Variants in MICAL3 observed in about 807,000 individuals in gnomAD.
MICAL3 encodes [F-actin]-monooxygenase MICAL3.
In MICAL3, 62 loss-of-function variants were observed where a neutral mutation model predicts 207.4. That is an observed-to-expected ratio of 0.30 (90% CI 0.24 to 0.37). The LOEUF is 0.37. Among genes scored for constraint, MICAL3 ranks in the 10% least tolerant of loss-of-function variants. MICAL3 has a pLI of 1.00. For synonymous variants in MICAL3, 1,077 were observed against 1,069.3 expected, an observed-to-expected ratio of 1.01 and a Z score of -0.14; for missense variants, 2,368 against 2,635.6, an observed-to-expected ratio of 0.90 and a Z score of 2.22.
intron 19 of MICAL3, chr22:17,863,165 C>T (rs1303702655): frequency 2.0e-6 from 2 of 985,428 alleles, no homozygotes; most frequent in South Asian, 9.4e-5. Flanking sequence ...ATGGCAACCT[C>T]GACCAGATGG....
At chr22:17,877,165 A>C (rs1434656860) in intron 16 of MICAL3, among the ~76,000 whole-genome samples, 2 of 128,122 alleles carry the variant, frequency 1.6e-5, no homozygotes, top group Non-Finnish European at 1.6e-5. Context: ...GAGGTTATGG[A>C]GGTTAGGGAG....
chr22:17,827,787 G>C lies in MICAL3; in HGVS notation c.3056-6C>G. The C allele has an allele frequency of 6.5e-7, 1 of 1,544,548 alleles. No homozygotes were observed. Among genetic ancestry groups the C allele is most frequent in the Non-Finnish European group, 8.7e-7 (1 of 1,143,202 alleles). Reference sequence around the variant, plus strand: ...CTGGAGCCTCTGGTTCCCGGCTAGTGTCCCAGGGTCAAGGGGTGGAGAAAT... The same window carrying C: ...CTGGAGCCTCTGGTTCCCGGCTAGTCTCCCAGGGTCAAGGGGTGGAGAAAT... On this transcript the variant is annotated splice_region_variant and splice_polypyrimidine_tract_variant and intron_variant, in intron 21 of 31. Transcript: ENST00000441493.
intron 29 of MICAL3, among the ~76,000 whole-genome samples, chr22:17,799,447 G>T (rs774404708): frequency 6.6e-6 from 1 of 152,338 alleles, no homozygotes; most frequent in East Asian, 1.9e-4. Flanking sequence ...GGTTTACGGA[G>T]TGGGGCCACC....
At chr22:17,843,120 CAAA>C (rs71966425) in intron 19 of MICAL3, among the ~76,000 whole-genome samples, 2 of 62,902 alleles carry the variant, frequency 3.2e-5, no homozygotes. Flanking sequence ...GACTTCATCT[CAAA>C]AAAAAAAAAA....
intron 1 of MICAL3, among the ~76,000 whole-genome samples, chr22:17,982,423 T>C (rs995793413): frequency 6.6e-6 from 1 of 152,324 alleles, no homozygotes; most frequent in South Asian, 2.1e-4. Context: ...ATGCCTGTAA[T>C]CCCAGCACTT....
At chr22:17,871,687 G>A in intron 17 of MICAL3, 150 bp downstream of exon 17, 4 of 660,618 alleles carry the variant, frequency 6.1e-6, no homozygotes, top group Non-Finnish European at 1.0e-5. Flanking sequence ...AAAGAGTGAT[G>A]GAGGGAGAGG....
intron 16 of MICAL3, among the ~76,000 whole-genome samples, chr22:17,878,306 G>A (rs1929078772): frequency 6.6e-6 from 1 of 152,220 alleles, no homozygotes; most frequent in Non-Finnish European, 1.5e-5. Flanking sequence ...GAGAGAAAGA[G>A]GCTGGGCACA....
intron 19 of MICAL3, among the ~76,000 whole-genome samples, chr22:17,846,852 C>G (rs1029779949): frequency 6.6e-6 from 1 of 152,174 alleles, no homozygotes; most frequent in Non-Finnish European, 1.5e-5. Flanking sequence ...CCCACACATA[C>G]CACAAGGAAA....
At position 17,818,805 on chromosome 22, in the gene MICAL3, G is replaced by T; in HGVS notation, c.3856C>A (p.Pro1286Thr). The change falls in exon 26 of 32, where the codon CCG becomes ACG. Residue 1286 changes from proline (P) to threonine (T), a missense_variant. Coordinates refer to ENST00000441493, the MANE Select transcript of MICAL3 (RefSeq NM_015241.3). ...GCCAGTGGGGTGGATGTTTTGGCCG[G>T]GGCAGGCTGGAAGCGTATGGGGGAC... ...TQSPIRFQPA[P>T]AKTSTPLAPL... is the part of the protein sequence containing the mutation. 1 of 1,569,852 alleles carries T rather than the reference G, an allele frequency of 6.4e-7. No homozygotes were observed. The highest frequency in any genetic ancestry group is 8.7e-7 in the Non-Finnish European group (1 of 1,153,886).
In MICAL3 at chr22:17,808,913, C is replaced by T; in HGVS notation, c.5581G>A (p.Val1861Met). ...AQIIQRQLQQ[V>M]EERQRRLEER... ...TCCAGCCGCCGCTGCCTCTCCTCCA[C>T]CTGCTGCAGCTGCCGCTGGATGATC... The change falls in exon 29 of 32, where the codon GTG becomes ATG. Residue 1861 changes from valine (V) to methionine (M), a missense_variant. Coordinates refer to ENST00000441493, the MANE Select transcript of MICAL3 (RefSeq NM_015241.3). The T allele has an allele frequency of 6.4e-7, 1 of 1,553,878 alleles. No individual in the cohort carries two copies. The highest frequency in any genetic ancestry group is 8.7e-7 in the Non-Finnish European group (1 of 1,148,874).
At position 17,858,922 on chromosome 22, in the gene MICAL3, C is replaced by A. The variant is rs561444736; in HGVS notation, c.2605+5977G>T. Among the ~76,000 whole-genome samples the A allele has an allele frequency of 8.5e-5, 13 of 152,328 alleles. 1 individual carries two copies. Among genetic ancestry groups the A allele is most frequent in the Admixed American group, 1.3e-4 (2 of 15,298 alleles). On this transcript the variant is annotated intron_variant, in intron 19 of 31. Transcript: ENST00000441493. ...TTGAAAATTATGCACACGTATGTAT[C>A]CATCCTTATTACTGACGCTTAGTTA...
rs1368908411 is a variant in MICAL3 at position 17,824,635 on chromosome 22, G to C, written c.3194-1575C>G. 2.6e-5 allele frequency among the ~76,000 whole-genome samples: 4 copies of C among 152,330 alleles called. No homozygotes were observed. The East Asian group carries it at 7.7e-4, about 29-fold the overall frequency. The stretch of plus-strand genomic sequence containing the variant: ...ACAGACGGCCCACGTCACAGGGAGA[G>C]ATAGGCGGGTTCCCAGACTAGCTGA... On this transcript the variant is annotated intron_variant, in intron 22 of 31. Transcript: ENST00000441493.
chr22:17,999,545 C>T (rs950312660), intron 1 of MICAL3, among the ~76,000 whole-genome samples: 5 of 152,198 alleles, frequency 3.3e-5, no homozygotes, highest in African/African-American at 9.7e-5. Context: ...ACATCTGCTA[C>T]GTGCCAAGGA....
At chr22:17,924,849 G>A (rs952608079) in intron 1 of MICAL3, among the ~76,000 whole-genome samples, 2 of 152,192 alleles carry the variant, frequency 1.3e-5, no homozygotes, top group African/African-American at 2.4e-5. Context: ...GCCCACAATA[G>A]CTCCAGTGCT....
intron 19 of MICAL3, chr22:17,858,493 C>T (rs1926167956): frequency 1.0e-6 from 1 of 985,182 alleles, no homozygotes; most frequent in Admixed American, 6.1e-5. Flanking sequence ...TGCCTGGCTG[C>T]TGCCGTTCAG....
At chr22:17,812,321 A>T (rs1434429579) in intron 27 of MICAL3, among the ~76,000 whole-genome samples, 1 of 152,240 alleles carries the variant, frequency 6.6e-6, no homozygotes, top group African/African-American at 2.4e-5. Context: ...GGTGAGGAGC[A>T]GGTGTCTCAT....
intron 24 of MICAL3, among the ~76,000 whole-genome samples, 173 bp from the exon 25 acceptor site, chr22:17,821,682 G>A (rs902023631): frequency 3.3e-5 from 5 of 152,230 alleles, no homozygotes; most frequent in Admixed American, 6.5e-5. Context: ...TCCTGGAACC[G>A]TCTTCCCGGG....
chr22:17,905,016 A>T (rs9604800), intron 2 of MICAL3, among the ~76,000 whole-genome samples, 177 bp from the exon 3 acceptor site: 5,751 of 152,332 alleles, frequency 0.038, 165 homozygotes, highest in African/African-American at 0.074. Flanking sequence ...GGCTTAAGAG[A>T]AGAGCTAGTG....
chr22:17,876,883 GGGAGGTTAT>G (rs1928542438), intron 16 of MICAL3: 6 of 122,090 alleles, frequency 4.9e-5, no homozygotes, highest in African/African-American at 7.7e-5. Context: ...AGGGAGGTTA[GGGAGGTTAT>G]GGAGGTTAGG....
Sources: allele counts gnomAD v4.1 joint callset (sites outside exome capture counted in the v4.1 genomes callset), GRCh38; gene constraint gnomAD v4.1.1; transcripts MANE v1.5; gene names NCBI Gene and HGNC (gene_info 2026-07-23, HGNC 2026-07-21).